The following CACNA2D1 variants were observed in gnomAD, a reference collection of about 807,000 sequenced individuals.
CACNA2D1 encodes calcium voltage-gated channel auxiliary subunit alpha2delta 1.
A neutral mutation model predicts 171.5 loss-of-function variants in CACNA2D1; 53 were observed. That is an observed-to-expected ratio of 0.31 (90% CI 0.25 to 0.39). The LOEUF (loss-of-function observed/expected upper bound fraction) is 0.39. Ranked by LOEUF, CACNA2D1 falls within the 10% of genes least tolerant of loss-of-function variation. CACNA2D1 has a pLI of 1.00. For synonymous variants in CACNA2D1, 442 were observed against 443.1 expected (o/e 1.00, Z 0.03); for missense variants, 903 against 1,299.8 (o/e 0.69, Z 4.69).
intron 6 of CACNA2D1, among the ~76,000 whole-genome samples, chr7:82,088,003 TC>T (rs1810679354): frequency 6.6e-6 from 1 of 152,164 alleles, no homozygotes; most frequent in Admixed American, 6.6e-5. Context: ...TCTCTATCTC[TC>T]CCCAGGATGC....
intron 32 of CACNA2D1, among the ~76,000 whole-genome samples, chr7:81,964,853 T>C (rs1794535587): frequency 6.6e-6 from 1 of 151,958 alleles, no homozygotes; most frequent in African/African-American, 2.4e-5. Flanking sequence ...ATATGTTAAT[T>C]GGCTTGACGC....
chr7:82,308,488 G>A (rs145780557), intron 3 of CACNA2D1, among the ~76,000 whole-genome samples: 407 of 152,176 alleles, frequency 2.7e-3, no homozygotes, highest in South Asian at 8.5e-3. Flanking sequence ...CCCTGAATTC[G>A]GTAATCTAGT....
At chr7:82,340,654 G>T (rs1280536381) in intron 2 of CACNA2D1, among the ~76,000 whole-genome samples, 1 of 151,980 alleles carries the variant, frequency 6.6e-6, no homozygotes, top group African/African-American at 2.4e-5. Context: ...GAGCTCCATT[G>T]TGAGCAACAT....
chr7:82,188,257 G>A (rs1797963332), intron 3 of CACNA2D1, among the ~76,000 whole-genome samples: 2 of 151,918 alleles, frequency 1.3e-5, no homozygotes, highest in Admixed American at 1.3e-4. Flanking sequence ...ATCACAAAGA[G>A]AAATATAAAA....
intron 6 of CACNA2D1, among the ~76,000 whole-genome samples, chr7:82,094,050 G>C (rs1319036329): frequency 6.6e-6 from 1 of 152,120 alleles, no homozygotes; most frequent in Admixed American, 6.5e-5. Flanking sequence ...CTGGGGACAA[G>C]GGTGATATTG....
chr7:82,407,909 C>T (rs1827227639), intron 1 of CACNA2D1, among the ~76,000 whole-genome samples: 1 of 152,094 alleles, frequency 6.6e-6, no homozygotes, highest in Admixed American at 6.6e-5. Flanking sequence ...AGATTATCTT[C>T]TAAAATACCT....
chr7:82,068,453 T>G (rs1201185458), intron 7 of CACNA2D1, among the ~76,000 whole-genome samples: 1 of 152,142 alleles, frequency 6.6e-6, no homozygotes, highest in Non-Finnish European at 1.5e-5. Context: ...TTGGGCACTC[T>G]ATCTCAACCC....
chr7:82,264,992 T>C (rs1489866615), intron 3 of CACNA2D1, among the ~76,000 whole-genome samples: 1 of 152,210 alleles, frequency 6.6e-6, no homozygotes, highest in African/African-American at 2.4e-5. Context: ...ATCACTGCAA[T>C]GACACATCAG....
chr7:82,291,485 T>C (rs1370985408), intron 3 of CACNA2D1, among the ~76,000 whole-genome samples: 1 of 134,530 alleles, frequency 7.4e-6, no homozygotes, highest in African/African-American at 2.7e-5. Context: ...AAAAATATAT[T>C]ATATATATTT....
intron 1 of CACNA2D1, among the ~76,000 whole-genome samples, chr7:82,375,537 C>T (rs1002916154): frequency 3.9e-5 from 6 of 152,154 alleles, no homozygotes; most frequent in Admixed American, 6.5e-5. Flanking sequence ...AGCCCCATGG[C>T]GCCTCTTTTC....
At chr7:82,261,896 A>G (rs1333817256) in intron 3 of CACNA2D1, among the ~76,000 whole-genome samples, 19 of 152,210 alleles carry the variant, frequency 1.2e-4, no homozygotes, top group Admixed American at 1.2e-3. Flanking sequence ...TGAAGACTAC[A>G]AAGCATGTGA....
intron 3 of CACNA2D1, among the ~76,000 whole-genome samples, chr7:82,191,312 A>G (rs1206650749): frequency 6.6e-6 from 1 of 151,822 alleles, no homozygotes; most frequent in African/African-American, 2.4e-5. Flanking sequence ...TTATTCAAAT[A>G]TAATTTATTT....
chr7:82,088,129 C>T (rs1015335656), intron 6 of CACNA2D1, among the ~76,000 whole-genome samples: 2 of 151,888 alleles, frequency 1.3e-5, no homozygotes, highest in African/African-American at 4.8e-5. Context: ...CTGGTTACAA[C>T]CGGGTAAGTC....
intron 6 of CACNA2D1, among the ~76,000 whole-genome samples, chr7:82,100,862 A>G (rs1026396116): frequency 4.0e-5 from 6 of 151,124 alleles, no homozygotes; most frequent in Non-Finnish European, 7.4e-5. Context: ...CTGTAATGCT[A>G]TTTTCTAAGT....
chr7:82,222,653 T>C (rs950374623), intron 3 of CACNA2D1, among the ~76,000 whole-genome samples: 3 of 152,164 alleles, frequency 2.0e-5, no homozygotes, highest in Non-Finnish European at 4.4e-5. Context: ...GACTTTCTAA[T>C]ACAACACTTT....
At chr7:81,950,997 C>T (rs1792453370) in intron 38 of CACNA2D1, among the ~76,000 whole-genome samples, 1 of 152,018 alleles carries the variant, frequency 6.6e-6, no homozygotes, top group Non-Finnish European at 1.5e-5. Context: ...AGAGTGCAAT[C>T]ATAGCATCTG....
intron 3 of CACNA2D1, among the ~76,000 whole-genome samples, chr7:82,173,196 A>T (rs1796227366): frequency 6.6e-6 from 1 of 152,110 alleles, no homozygotes; most frequent in African/African-American, 2.4e-5. Context: ...AACTATTTCC[A>T]GAGAAACAGA....
At chr7:82,414,286 C>G (rs1320154642) in intron 1 of CACNA2D1, among the ~76,000 whole-genome samples, 1 of 152,082 alleles carries the variant, frequency 6.6e-6, no homozygotes, top group Non-Finnish European at 1.5e-5. Context: ...ATTTGAAAGT[C>G]ACAACAACAC....
At chr7:82,375,515 G>T (rs775618877) in intron 1 of CACNA2D1, among the ~76,000 whole-genome samples, 2 of 152,164 alleles carry the variant, frequency 1.3e-5, no homozygotes, top group Non-Finnish European at 2.9e-5. Context: ...AATGTTCCCA[G>T]TTGGTTACCC....
Sources: gnomAD v4.1 joint callset for allele counts (sites outside exome capture counted in the v4.1 genomes callset) on GRCh38, gnomAD v4.1.1 for gene constraint, MANE v1.5 for transcripts, NCBI Gene and HGNC (gene_info 2026-07-23, HGNC 2026-07-21) for gene names.